Variants in CNR2 observed in about 807,000 individuals in gnomAD.
The protein encoded by CNR2 is cannabinoid receptor 2.
For synonymous variants in CNR2, 172 were observed against 182.2 expected, an observed-to-expected ratio of 0.94 and a Z score of 0.45; for missense variants, 379 against 439.9, an observed-to-expected ratio of 0.86 and a Z score of 1.24.
intron 1 of CNR2, among the ~76,000 whole-genome samples, chr1:23,912,471 G>A (rs1400900576): frequency 6.6e-6 from 1 of 152,258 alleles, no homozygotes; most frequent in Admixed American, 6.5e-5. Context: ...CCTGGTGGCT[G>A]AAGGGTGGGC....
At chr1:23,910,726 C>T (rs1489366840) in intron 1 of CNR2, among the ~76,000 whole-genome samples, 1 of 97,350 alleles carries the variant, frequency 1.0e-5, no homozygotes, top group East Asian at 3.3e-4. Flanking sequence ...AAACAAAAAA[C>T]AAGAGCCCCT....
At chr1:23,909,382 T>C (rs1640547650) in intron 1 of CNR2, among the ~76,000 whole-genome samples, 1 of 152,184 alleles carries the variant, frequency 6.6e-6, no homozygotes, top group Non-Finnish European at 1.5e-5. Flanking sequence ...TGGTGGTCCC[T>C]GCAGCATAGC....
At chr1:23,901,858 G>T (rs1254804931) in intron 1 of CNR2, 1 of 1,609,116 alleles carries the variant, frequency 6.2e-7, no homozygotes, top group Non-Finnish European at 8.5e-7. Flanking sequence ...GGATGCTGTC[G>T]CAGCGCCCGC....
At chr1:23,875,746 T>C (rs754240998) in intron 1 of CNR2, 84 bp from the exon 2 acceptor site, 2 of 1,106,260 alleles carry the variant, frequency 1.8e-6, no homozygotes, top group Non-Finnish European at 2.6e-6. Context: ...TAGCCAAAAC[T>C]GCTACCTGTA....
chr1:23,873,562 A>G lies in CNR2; in HGVS notation c.*973T>C, dbSNP rs3003335. ...CTGAGATCTTTAAAATCATGGAGCT[A>G]TATTCTAGCTGGGGTCAATAGACTG... is the stretch of plus-strand genomic sequence containing the variant. On this transcript the variant is annotated 3_prime_UTR_variant, in exon 2 of 2. Coordinates refer to ENST00000374472, the MANE Select transcript of CNR2 (RefSeq NM_001841.3). The G allele has an allele frequency of 0.63, 96,346 of 151,896 alleles. 30,966 individuals carry two copies. The highest frequency in any genetic ancestry group is 0.76 in the African/African-American group (31,336 of 41,438). 9.4% of individuals were successfully genotyped at this position (151,896 alleles called of 1,614,324 possible).
chr1:23,884,713 C>T (rs190846227), intron 1 of CNR2, among the ~76,000 whole-genome samples: 13 of 152,268 alleles, frequency 8.5e-5, no homozygotes, highest in African/African-American at 1.9e-4. Flanking sequence ...TGAGGCCACA[C>T]GGCTGGTCGA....
At chr1:23,901,040 C>CTT (rs34347345) in intron 1 of CNR2, among the ~76,000 whole-genome samples, 4 of 151,948 alleles carry the variant, frequency 2.6e-5, no homozygotes, top group Admixed American at 2.0e-4. Flanking sequence ...GTAACTCTTT[C>CTT]TTTTTTTAAT....
In CNR2 at chr1:23,874,803, G is replaced by A. The variant is rs201049279; in HGVS notation, c.815C>T (p.Thr272Met). 7.7e-5 allele frequency: 124 copies of A among 1,614,154 alleles called. No individual in the cohort carries two copies. The highest frequency in any genetic ancestry group is 1.8e-4 in the East Asian group (8 of 44,872). The change falls in exon 2 of 2, where the codon ACG (threonine) becomes ATG (methionine). Residue 272 changes from threonine (T) to methionine (M), a missense_variant. Thr to Met is a moderately conservative substitution (Grantham distance 81). Transcript: ENST00000374472. ...GGCCTTCTTGACCTGGTCACTGAGC[G>A]TAGTGGCCAGGCTGTGGGCCATGAG... ...LALMAHSLAT[T>M]LSDQVKKAFA...
chr1:23,884,250 T>G (rs1461548519), intron 1 of CNR2, among the ~76,000 whole-genome samples: 2 of 113,914 alleles, frequency 1.8e-5, no homozygotes, highest in Non-Finnish European at 1.9e-5. Context: ...TGGCTAATTT[T>G]TGTATTTTTA....
intron 1 of CNR2, among the ~76,000 whole-genome samples, chr1:23,885,694 ATGG>A (rs1640076327): frequency 6.6e-6 from 1 of 151,668 alleles, no homozygotes; most frequent in Non-Finnish European, 1.5e-5. Flanking sequence ...CTCAGCCAAC[ATGG>A]TGAAACACTG....
chr1:23,911,132 C>T (rs1022028560), intron 1 of CNR2, among the ~76,000 whole-genome samples: 1 of 128,020 alleles, frequency 7.8e-6, no homozygotes, highest in East Asian at 2.3e-4. Flanking sequence ...AGAACCTGAG[C>T]GCAGTGAGAA....
chr1:23,910,150 A>AG (rs1188052756), intron 1 of CNR2, among the ~76,000 whole-genome samples: 2 of 112,584 alleles, frequency 1.8e-5, no homozygotes, highest in African/African-American at 3.3e-5. Context: ...TTGTAGAGAT[A>AG]GGGTCTCACT....
chr1:23,880,290 G>T (rs1639957717), intron 1 of CNR2, among the ~76,000 whole-genome samples: 1 of 147,886 alleles, frequency 6.8e-6, no homozygotes, highest in South Asian at 2.1e-4. Context: ...CCTTTCTCTT[G>T]CCTCAGCCTC....
intron 1 of CNR2, among the ~76,000 whole-genome samples, chr1:23,909,137 C>T (rs568744909): frequency 2.0e-5 from 3 of 152,092 alleles, no homozygotes; most frequent in Non-Finnish European, 4.4e-5. Context: ...GCCTTCACTC[C>T]CTCGCCTGCT....
intron 1 of CNR2, among the ~76,000 whole-genome samples, chr1:23,902,904 G>T (rs1373741607): frequency 4.6e-5 from 7 of 151,118 alleles, no homozygotes; most frequent in Non-Finnish European, 8.9e-5. Context: ...GGGACGTAGA[G>T]CTCCGCCGCC....
intron 1 of CNR2, among the ~76,000 whole-genome samples, chr1:23,905,489 C>T (rs533534899): frequency 1.3e-4 from 19 of 150,000 alleles, no homozygotes; most frequent in African/African-American, 4.4e-4. Flanking sequence ...CATCTTTGCA[C>T]TTTATATATT....
At chr1:23,901,846 C>T in intron 1 of CNR2, 2 of 1,609,330 alleles carry the variant, frequency 1.2e-6, no homozygotes, top group Non-Finnish European at 1.7e-6. Context: ...CCACTGCAAA[C>T]TGGATGCTGT....
intron 1 of CNR2, among the ~76,000 whole-genome samples, chr1:23,890,258 C>A (rs1220837038): frequency 7.4e-3 from 558 of 74,974 alleles, no homozygotes; most frequent in Non-Finnish European, 8.2e-3. Flanking sequence ...GACCTTGTCT[C>A]AAAAAAAAAA....
chr1:23,910,657 A>AG (rs1248467833), intron 1 of CNR2, among the ~76,000 whole-genome samples: 1 of 148,056 alleles, frequency 6.8e-6, no homozygotes, highest in African/African-American at 2.5e-5. Flanking sequence ...GCTGTCTCAA[A>AG]AAAAAAAAAA....
Sources: gnomAD v4.1 joint callset for allele counts (sites outside exome capture counted in the v4.1 genomes callset) on GRCh38, gnomAD v4.1.1 for gene constraint, MANE v1.5 for transcripts, NCBI Gene and HGNC (gene_info 2026-07-23, HGNC 2026-07-21) for gene names.